Variants in CACNA2D3 observed in about 807,000 individuals in gnomAD.
CACNA2D3 encodes the protein voltage-dependent calcium channel subunit alpha-2/delta-3.
A neutral mutation model predicts 160.6 loss-of-function variants in CACNA2D3; 60 were observed. The ratio of observed to expected loss-of-function variants is 0.37; its 90% CI spans 0.30 to 0.46. The LOEUF (loss-of-function observed/expected upper bound fraction) is 0.46. Ranked by LOEUF, CACNA2D3 falls within the 20% of genes least tolerant of loss-of-function variation. The pLI is 1.00. For synonymous variants in CACNA2D3, 558 were observed against 492.9 expected (o/e 1.13, Z -1.75); for missense variants, 1,205 against 1,365.0 (o/e 0.88, Z 1.85).
chr3:54,814,377 A>G (rs1559592495), intron 13 of CACNA2D3, among the ~76,000 whole-genome samples: 1 of 152,238 alleles, frequency 6.6e-6, no homozygotes, highest in South Asian at 2.1e-4. Context: ...CATATGCCTC[A>G]AGACTTGAGT....
chr3:54,978,645 G>A (rs543947690), intron 29 of CACNA2D3, among the ~76,000 whole-genome samples: 14 of 152,260 alleles, frequency 9.2e-5, no homozygotes, highest in South Asian at 8.3e-4. Flanking sequence ...TAAATAAGGC[G>A]TTCCATGAAC....
intron 13 of CACNA2D3, among the ~76,000 whole-genome samples, chr3:54,774,594 T>C (rs1325693927): frequency 6.6e-6 from 1 of 151,458 alleles, no homozygotes; most frequent in East Asian, 1.9e-4. Context: ...ATATCAGGGG[T>C]TAATCCCAAT....
At chr3:54,801,973 C>G (rs1356954605) in intron 13 of CACNA2D3, among the ~76,000 whole-genome samples, 1 of 152,194 alleles carries the variant, frequency 6.6e-6, no homozygotes, top group African/African-American at 2.4e-5. Context: ...GAAGGACTTA[C>G]TGATATGCAG....
intron 31 of CACNA2D3, 140 bp from the exon 32 acceptor site, chr3:55,004,623 T>C: frequency 1.7e-6 from 1 of 600,480 alleles, no homozygotes; most frequent in Admixed American, 3.1e-5. Flanking sequence ...AGGCTCCTTG[T>C]TCATCATCCA....
At chr3:54,741,233 A>G (rs1432033601) in intron 11 of CACNA2D3, among the ~76,000 whole-genome samples, 1 of 152,158 alleles carries the variant, frequency 6.6e-6, no homozygotes, top group African/African-American at 2.4e-5. Flanking sequence ...ATCAGGCGTT[A>G]TACTCTCAGA....
At chr3:54,712,642 A>G (rs976418527) in intron 11 of CACNA2D3, among the ~76,000 whole-genome samples, 6 of 152,146 alleles carry the variant, frequency 3.9e-5, no homozygotes, top group Non-Finnish European at 7.3e-5. Flanking sequence ...TTATTTTGTA[A>G]ATTGCCCAGT....
intron 2 of CACNA2D3, among the ~76,000 whole-genome samples, chr3:54,166,090 G>A (rs1272177907): frequency 6.6e-6 from 1 of 152,190 alleles, no homozygotes; most frequent in African/African-American, 2.4e-5. Flanking sequence ...AGGAACCCAC[G>A]AGGTGGGTGG....
At chr3:54,764,404 T>C (rs1317797520) in intron 13 of CACNA2D3, 53 bp downstream of exon 13, 1 of 1,598,306 alleles carries the variant, frequency 6.3e-7, no homozygotes, top group African/African-American at 1.3e-5. Context: ...CATCCCCAAA[T>C]TGTGTTAATT....
chr3:55,053,204 C>G (rs1236461723), intron 35 of CACNA2D3, among the ~76,000 whole-genome samples: 1 of 152,034 alleles, frequency 6.6e-6, no homozygotes, highest in Non-Finnish European at 1.5e-5. Context: ...CTTTTTGTCA[C>G]TATCGATGAG....
At chr3:54,515,290 C>T (rs569029268) in intron 5 of CACNA2D3, among the ~76,000 whole-genome samples, 26 of 151,994 alleles carry the variant, frequency 1.7e-4, no homozygotes, top group African/African-American at 5.6e-4. Flanking sequence ...AAATTAATAG[C>T]GCTGACTTTC....
rs555418958 is a variant in CACNA2D3, at chr3:54,400,266, C to A, written c.381+13492C>A. ...TGCAGAAATCACCCGTCTTCTGTGT[C>A]GCTCACGCTGGGAGCTGTAGACCGG... On this transcript the variant is annotated intron_variant, in intron 4 of 37. Coordinates refer to ENST00000474759, the MANE Select transcript of CACNA2D3 (RefSeq NM_018398.3). Among the ~76,000 whole-genome samples the A allele has an allele frequency of 2.6e-3, 389 of 151,810 alleles. 5 individuals are homozygous for A. Among genetic ancestry groups the A allele is most frequent in the African/African-American group, 8.4e-3 (348 of 41,346 alleles).
At chr3:55,043,577 A>G (rs1199187415) in intron 35 of CACNA2D3, among the ~76,000 whole-genome samples, 1 of 152,116 alleles carries the variant, frequency 6.6e-6, no homozygotes, top group Non-Finnish European at 1.5e-5. Context: ...TTGTAAAAAC[A>G]TGGCCTGCAG....
intron 31 of CACNA2D3, 95 bp downstream of exon 31, chr3:54,987,848 C>A: frequency 1.2e-6 from 1 of 847,988 alleles, no homozygotes; most frequent in Non-Finnish European, 1.8e-6. Context: ...AGACTTGACC[C>A]TGTGGCTGGT....
At chr3:54,580,362 C>T (rs2106737298) in intron 8 of CACNA2D3, among the ~76,000 whole-genome samples, 1 of 152,166 alleles carries the variant, frequency 6.6e-6, no homozygotes, top group African/African-American at 2.4e-5. Context: ...TTAGGTCTAG[C>T]CCCTCTTCGA....
intron 27 of CACNA2D3, among the ~76,000 whole-genome samples, chr3:54,902,462 A>G (rs1700356544): frequency 6.6e-6 from 1 of 152,186 alleles, no homozygotes; most frequent in Non-Finnish European, 1.5e-5. Flanking sequence ...AATGGGCCCC[A>G]TCCATCTTCC....
chr3:54,784,878 C>G (rs559575785), intron 13 of CACNA2D3, among the ~76,000 whole-genome samples: 9 of 152,324 alleles, frequency 5.9e-5, no homozygotes, highest in African/African-American at 1.9e-4. Context: ...AACCTCTGCA[C>G]CTTCCTGAAA....
intron 4 of CACNA2D3, among the ~76,000 whole-genome samples, chr3:54,401,324 T>G (rs1699459842): frequency 6.6e-6 from 1 of 152,120 alleles, no homozygotes; most frequent in Admixed American, 6.5e-5. Context: ...AGAGGAAGCT[T>G]ATGAAATAAT....
intron 4 of CACNA2D3, among the ~76,000 whole-genome samples, chr3:54,460,987 A>C (rs146003998): frequency 0.019 from 2,946 of 151,754 alleles, 76 homozygotes; most frequent in East Asian, 0.11. Context: ...TAGCATGAAG[A>C]GTTGTTGAAT....
chr3:54,321,194 CCTGT>C (rs1703983115), intron 3 of CACNA2D3, among the ~76,000 whole-genome samples: 1 of 151,998 alleles, frequency 6.6e-6, no homozygotes, highest in African/African-American at 2.4e-5. Context: ...TTGGTGGGTG[CCTGT>C]AATCCCAGCT....
Sources: allele counts gnomAD v4.1 joint callset (sites outside exome capture counted in the v4.1 genomes callset), GRCh38; gene constraint gnomAD v4.1.1; transcripts MANE v1.5; gene names NCBI Gene and HGNC (gene_info 2026-07-23, HGNC 2026-07-21).